Variants in LINGO2 observed in about 807,000 individuals in gnomAD.
The protein encoded by LINGO2 is leucine rich repeat and Ig domain containing 2, also known as leucine-rich repeat and immunoglobulin-like domain-containing nogo receptor-interacting protein 2.
Under a neutral mutation model 30.6 loss-of-function variants are expected in LINGO2, and 14 were observed. The observed-to-expected ratio is 0.46, with a 90% CI of 0.30 to 0.72. The LOEUF (loss-of-function observed/expected upper bound fraction) is 0.72, where lower values mean the gene tolerates loss of function less well. Ranked by LOEUF, LINGO2 falls within the 30% of genes least tolerant of loss-of-function variation. LINGO2 has a pLI of 0.07. For synonymous variants in LINGO2, 317 were observed against 288.5 expected (o/e 1.10, Z -1.00); for missense variants, 729 against 751.7 (o/e 0.97, Z 0.35).
intron 2 of LINGO2, among the ~76,000 whole-genome samples, chr9:28,374,056 C>G (rs776767109): frequency 6.6e-6 from 1 of 151,998 alleles, no homozygotes; most frequent in Non-Finnish European, 1.5e-5. Flanking sequence ...TTAACCCGCA[C>G]AACAACCTCA....
At chr9:28,752,593 T>C in the LINGO2 span, among the ~76,000 whole-genome samples, 1 of 152,106 alleles carries the variant, frequency 6.6e-6, no homozygotes, top group East Asian at 1.9e-4. Flanking sequence ...CTCAATTATA[T>C]TTCAAAAGTC....
At chr9:28,384,813 A>G (rs1433616749) in intron 2 of LINGO2, among the ~76,000 whole-genome samples, 1 of 137,594 alleles carries the variant, frequency 7.3e-6, no homozygotes, top group East Asian at 2.2e-4. Context: ...AAAGTTTCAG[A>G]GGCTTTGTGT....
chr9:28,354,575 A>T (rs561790249), intron 3 of LINGO2, among the ~76,000 whole-genome samples: 3 of 152,344 alleles, frequency 2.0e-5, no homozygotes, highest in South Asian at 4.1e-4. Flanking sequence ...TGCTCAAGAA[A>T]CATGGGGTGA....
At chr9:28,300,371 C>T (rs777844481) in intron 3 of LINGO2, among the ~76,000 whole-genome samples, 38 of 152,124 alleles carry the variant, frequency 2.5e-4, no homozygotes, top group Admixed American at 1.8e-3. Context: ...TCTAAGGTAA[C>T]GCTATCAATC....
At chr9:28,138,836 G>C (rs1006840331) in intron 4 of LINGO2, among the ~76,000 whole-genome samples, 4 of 152,042 alleles carry the variant, frequency 2.6e-5, no homozygotes, top group African/African-American at 9.7e-5. Context: ...GTTCCACAAC[G>C]CAAGACCTTC....
chr9:27,980,783 A>C (rs986304846), intron 5 of LINGO2, among the ~76,000 whole-genome samples: 5 of 151,916 alleles, frequency 3.3e-5, no homozygotes, highest in Non-Finnish European at 5.9e-5. Flanking sequence ...TGCACAGGTC[A>C]TCAGTGAAGC....
At chr9:28,079,636 A>C (rs1459056491) in intron 4 of LINGO2, among the ~76,000 whole-genome samples, 1 of 152,204 alleles carries the variant, frequency 6.6e-6, no homozygotes, top group Non-Finnish European at 1.5e-5. Context: ...ATTTTTATCC[A>C]GGATAGATGT....
At chr9:28,808,922 C>T in the LINGO2 span, among the ~76,000 whole-genome samples, 32 of 152,122 alleles carry the variant, frequency 2.1e-4, no homozygotes, top group Admixed American at 6.5e-5. Context: ...CTAGGACTAA[C>T]GCCCTGGTCA....
rs181441363 is a variant in LINGO2, at chr9:28,162,892, A to G, written c.-87+132316T>C. Among the ~76,000 whole-genome samples, 378 of 152,248 alleles carry G rather than the reference A, an allele frequency of 2.5e-3. 2 individuals carry two copies. Among genetic ancestry groups the G allele is most frequent in the Non-Finnish European group, 2.7e-3 (181 of 67,986 alleles). ...GAGATATGTAGGGTAAGAAATTTCCAGACAGAATGAAATGCTTGAGCAAAG... is the reference window on the plus strand; with the variant it reads ...GAGATATGTAGGGTAAGAAATTTCCGGACAGAATGAAATGCTTGAGCAAAG... On this transcript the variant is annotated intron_variant, in intron 4 of 5. Transcript: ENST00000379992.
chr9:28,170,006 G>A (rs567509225), intron 4 of LINGO2, among the ~76,000 whole-genome samples: 5 of 152,208 alleles, frequency 3.3e-5, no homozygotes, highest in East Asian at 1.9e-4. Context: ...AATTATCACT[G>A]TTGCTTTTGT....
At chr9:28,656,596 T>A (rs1251683337) in intron 1 of LINGO2, among the ~76,000 whole-genome samples, 1 of 152,118 alleles carries the variant, frequency 6.6e-6, no homozygotes, top group African/African-American at 2.4e-5. Context: ...AATGTCATTA[T>A]CTTGCATGAT....
At chr9:28,396,703 C>CAA (rs60660309) in intron 2 of LINGO2, among the ~76,000 whole-genome samples, 1 of 53,138 alleles carries the variant, frequency 1.9e-5, no homozygotes, top group African/African-American at 7.5e-5. Flanking sequence ...GACTCCATCT[C>CAA]AAAAAAAAAA....
At chr9:28,638,784 T>G (rs1462939056) in intron 1 of LINGO2, among the ~76,000 whole-genome samples, 2 of 152,156 alleles carry the variant, frequency 1.3e-5, no homozygotes, top group Non-Finnish European at 2.9e-5. Flanking sequence ...CTGGATTCAT[T>G]GATTTTTTGA....
chr9:29,064,439 A>C, the LINGO2 span, among the ~76,000 whole-genome samples: 4 of 152,088 alleles, frequency 2.6e-5, no homozygotes, highest in South Asian at 8.3e-4. Flanking sequence ...TAAATATGTA[A>C]TTAGAATTAT....
chr9:28,594,636 C>G (rs1825085317), intron 1 of LINGO2, among the ~76,000 whole-genome samples: 1 of 152,036 alleles, frequency 6.6e-6, no homozygotes, highest in African/African-American at 2.4e-5. Context: ...CGCACTATTT[C>G]ACAATTGTGT....
At chr9:27,945,647 G>C (rs977554152), downstream of LINGO2, among the ~76,000 whole-genome samples, 1 of 152,050 alleles carries the variant, frequency 6.6e-6, no homozygotes, top group Non-Finnish European at 1.5e-5. Context: ...CCCCTGTGCT[G>C]GTATGAGCTG....
intron 5 of LINGO2, among the ~76,000 whole-genome samples, chr9:28,004,969 C>T (rs10812720): frequency 0.72 from 109,128 of 152,078 alleles, 39,808 homozygotes; most frequent in East Asian, 0.82. Context: ...CAGTAATGAA[C>T]ATGGGAGGCT....
At chr9:28,265,090 T>A (rs568552024) in intron 4 of LINGO2, among the ~76,000 whole-genome samples, 24 of 152,066 alleles carry the variant, frequency 1.6e-4, no homozygotes, top group African/African-American at 5.1e-4. Context: ...CCTACAGGCT[T>A]TGAATTACCA....
chr9:28,924,284 A>C, the LINGO2 span, among the ~76,000 whole-genome samples: 3 of 152,058 alleles, frequency 2.0e-5, no homozygotes, highest in East Asian at 5.8e-4. Flanking sequence ...ACAGTGGTGC[A>C]ATCTCAGCTC....
Sources: gnomAD v4.1 joint callset for allele counts (sites outside exome capture counted in the v4.1 genomes callset) on GRCh38, gnomAD v4.1.1 for gene constraint, MANE v1.5 for transcripts, NCBI Gene and HGNC (gene_info 2026-07-23, HGNC 2026-07-21) for gene names.